Variants in LINC00305 observed in about 807,000 individuals in gnomAD.
LINC00305 encodes long independently transcribed non-coding RNA 305.
At position 64,135,687 on chromosome 18, in the gene LINC00305, G is replaced by C. The variant is rs141515641; in HGVS notation, n.314+13088C>G. ...TGCAGCCTCCACCTCCCGGGTTCTA[G>C]TGATTCTCCTGCCTCAGCCTCCCGA... On this transcript the variant is annotated intron_variant and non_coding_transcript_variant, in intron 1 of 3. Coordinates refer to ENST00000666468, the Ensembl canonical transcript of LINC00305. Among the ~76,000 whole-genome samples, 662 of 152,262 alleles carry C rather than the reference G, an allele frequency of 4.3e-3. 9 individuals are homozygous for C. Among genetic ancestry groups the C allele is most frequent in the East Asian group, 0.011 (56 of 5,176 alleles).
intron 1 of LINC00305, among the ~76,000 whole-genome samples, chr18:64,119,780 C>T (rs755355412): frequency 6.6e-6 from 1 of 151,980 alleles, no homozygotes; most frequent in Non-Finnish European, 1.5e-5. Flanking sequence ...GGCAAGAAAC[C>T]GAAAATCCGG....
At chr18:64,094,065 G>GT (rs1178701223) in intron 3 of LINC00305, among the ~76,000 whole-genome samples, 3 of 152,182 alleles carry the variant, frequency 2.0e-5, no homozygotes, top group Admixed American at 6.5e-5. Context: ...TGGGAGAAGA[G>GT]TTGAATGAAT....
intron 1 of LINC00305, among the ~76,000 whole-genome samples, chr18:64,137,205 AG>A (rs2051438973): frequency 6.6e-6 from 1 of 152,150 alleles, no homozygotes; most frequent in Non-Finnish European, 1.5e-5. Context: ...GCCACAGTCC[AG>A]GGGACAGCAA....
At chr18:64,137,424 A>C (rs1568117966) in intron 1 of LINC00305, among the ~76,000 whole-genome samples, 1 of 152,238 alleles carries the variant, frequency 6.6e-6, no homozygotes, top group Non-Finnish European at 1.5e-5. Flanking sequence ...GTGGCACTTC[A>C]GTTATGAGCT....
At chr18:64,093,749 T>C (rs908584037) in intron 3 of LINC00305, among the ~76,000 whole-genome samples, 2 of 152,174 alleles carry the variant, frequency 1.3e-5, no homozygotes, top group African/African-American at 4.8e-5. Flanking sequence ...TTTTAAATGA[T>C]GAGAGCTGGG....
intron 3 of LINC00305, among the ~76,000 whole-genome samples, chr18:64,085,275 T>TTA (rs2051199110): frequency 6.6e-6 from 1 of 152,226 alleles, no homozygotes; most frequent in Admixed American, 6.5e-5. Context: ...ATGTACCTGC[T>TTA]TGAATCCTAC....
At chr18:64,140,214 T>A (rs528597204) in intron 1 of LINC00305, among the ~76,000 whole-genome samples, 2 of 150,874 alleles carry the variant, frequency 1.3e-5, no homozygotes, top group South Asian at 4.2e-4. Context: ...ATTTTCTTTC[T>A]TTCTTTTTTT....
intron 1 of LINC00305, among the ~76,000 whole-genome samples, chr18:64,139,302 G>A (rs1177779976): frequency 6.6e-6 from 1 of 152,096 alleles, no homozygotes; most frequent in African/African-American, 2.4e-5. Flanking sequence ...CATAATTAAG[G>A]ACAAAGTGAT....
At chr18:64,146,572 T>A in intron 1 of LINC00305, among the ~76,000 whole-genome samples, 1 of 152,190 alleles carries the variant, frequency 6.6e-6, no homozygotes, top group East Asian at 1.9e-4. Context: ...ATAACCAGCA[T>A]ACATCACAGA....
chr18:64,080,500 A>G, intron 3 of LINC00305: 1 of 226,080 alleles, frequency 4.4e-6, no homozygotes, highest in Non-Finnish European at 9.3e-6. Context: ...TTAGAATTTA[A>G]ATTTTAGAAT....
At chr18:64,139,340 T>G (rs1335506333) in intron 1 of LINC00305, 1 of 152,220 alleles carries the variant, frequency 6.6e-6, no homozygotes, top group Non-Finnish European at 1.5e-5. Flanking sequence ...TCAAATGAAG[T>G]CATGCCTGTA....
At chr18:64,091,976 A>C (rs1020854615) in intron 3 of LINC00305, among the ~76,000 whole-genome samples, 1 of 152,228 alleles carries the variant, frequency 6.6e-6, no homozygotes, top group African/African-American at 2.4e-5. Context: ...TCTTATTTCC[A>C]CACAAAACCA....
chr18:64,095,563 G>T (rs902298163), intron 3 of LINC00305, among the ~76,000 whole-genome samples: 2 of 152,024 alleles, frequency 1.3e-5, no homozygotes, highest in African/African-American at 4.8e-5. Context: ...GAATCTAAAA[G>T]AAGTGAAATA....
chr18:64,126,448 G>T (rs181284188), intron 1 of LINC00305, among the ~76,000 whole-genome samples: 2 of 151,586 alleles, frequency 1.3e-5, no homozygotes, highest in Admixed American at 6.6e-5. Context: ...CTCTAAAATC[G>T]AAATAGGCAT....
intron 1 of LINC00305, among the ~76,000 whole-genome samples, chr18:64,116,621 T>C (rs1359803967): frequency 6.6e-6 from 1 of 152,206 alleles, no homozygotes; most frequent in East Asian, 1.9e-4. Flanking sequence ...ACATTGTATA[T>C]ATTTATAGTG....
At chr18:64,145,799 C>A (rs945927018) in intron 1 of LINC00305, among the ~76,000 whole-genome samples, 28 of 152,248 alleles carry the variant, frequency 1.8e-4, no homozygotes, top group African/African-American at 5.5e-4. Context: ...TTAATGAAGT[C>A]TCTGGGTTTT....
chr18:64,098,143 A>G, intron 2 of LINC00305: 1 of 355,784 alleles, frequency 2.8e-6, no homozygotes, highest in East Asian at 7.4e-5. Flanking sequence ...TAGAAATATA[A>G]AAGTTGAAAC....
intron 3 of LINC00305, among the ~76,000 whole-genome samples, chr18:64,095,419 C>A (rs1347883488): frequency 1.3e-5 from 2 of 151,750 alleles, no homozygotes; most frequent in African/African-American, 2.4e-5. Context: ...TTGGGCAATA[C>A]CTGCTTTATG....
chr18:64,119,359 G>C (rs1462482444), intron 1 of LINC00305, among the ~76,000 whole-genome samples: 1 of 152,122 alleles, frequency 6.6e-6, no homozygotes, highest in Non-Finnish European at 1.5e-5. Context: ...GAAATTCTGA[G>C]AGCTTTGTGA....
Sources: allele counts gnomAD v4.1 joint callset (sites outside exome capture counted in the v4.1 genomes callset), GRCh38; gene constraint gnomAD v4.1.1; transcripts MANE v1.5; gene names NCBI Gene and HGNC (gene_info 2026-07-23, HGNC 2026-07-21).